The following TMPRSS6 variants were observed in gnomAD, a reference collection of about 807,000 sequenced individuals.
The protein encoded by TMPRSS6 is transmembrane serine protease 6, also known as transmembrane protease serine 6.
Under a neutral mutation model 101.5 loss-of-function variants are expected in TMPRSS6, and 67 were observed. The ratio of observed to expected loss-of-function variants is 0.66; its 90% CI spans 0.54 to 0.81. The LOEUF is 0.81. Among genes scored for constraint, TMPRSS6 ranks in the 30% least tolerant of loss-of-function variants. The pLI is 0.00. For missense variants in TMPRSS6, 1,034 were observed against 1,088.7 expected (o/e 0.95, Z 0.71); for synonymous variants, 453 against 464.9 (o/e 0.97, Z 0.33).
chr22:37,107,403 AC>A (rs1930780435), intron 1 of TMPRSS6, among the ~76,000 whole-genome samples: 1 of 151,872 alleles, frequency 6.6e-6, no homozygotes, highest in African/African-American at 2.4e-5. Flanking sequence ...TTATAATACA[AC>A]GGCTCCCCCA....
intron 7 of TMPRSS6, among the ~76,000 whole-genome samples, chr22:37,087,628 C>T (rs1008556348): frequency 2.6e-5 from 4 of 151,010 alleles, no homozygotes; most frequent in Non-Finnish European, 5.9e-5. Flanking sequence ...CCTACCATTC[C>T]AGCTTGATCT....
intron 2 of TMPRSS6, among the ~76,000 whole-genome samples, chr22:37,102,891 G>A (rs1051515861): frequency 2.6e-5 from 4 of 152,120 alleles, no homozygotes; most frequent in Admixed American, 2.6e-4. Context: ...GGCAAGGGAA[G>A]GCGATGTTTA....
At chr22:37,081,122 C>T (rs1214471499) in intron 10 of TMPRSS6, among the ~76,000 whole-genome samples, 3 of 152,200 alleles carry the variant, frequency 2.0e-5, no homozygotes, top group African/African-American at 7.2e-5. Flanking sequence ...CCTGCTTCCT[C>T]GCTGGGTTGT....
At chr22:37,085,233 C>T (rs939278796) in intron 8 of TMPRSS6, among the ~76,000 whole-genome samples, 3 of 152,170 alleles carry the variant, frequency 2.0e-5, no homozygotes, top group Admixed American at 6.5e-5. Flanking sequence ...AAAGGAGTGG[C>T]TTGGTTGAGG....
intron 12 of TMPRSS6, among the ~76,000 whole-genome samples, chr22:37,073,905 C>T (rs1029053559): frequency 2.6e-5 from 4 of 152,186 alleles, no homozygotes; most frequent in South Asian, 2.1e-4. Flanking sequence ...CCTGCTACCA[C>T]GCCCAGCTAA....
Position 37,089,706 on chromosome 22 carries a change from G to A in TMPRSS6, c.708C>T (p.Cys236=), listed in dbSNP as rs776137466. ...LKGPDHLASS[C]LWHLQGPKDL... is the part of the protein sequence containing the mutation. ...CCTTGGGGCCCTGCAGGTGCCACAG[G>A]CAGCTGGAGGCCAGGTGGTCAGGCC... The change falls in exon 7 of 18, where the codon TGC becomes TGT. Residue 236 remains cysteine (C), a synonymous_variant. Transcript: ENST00000676104. The A allele has an allele frequency of 3.1e-6, 5 of 1,611,900 alleles. No individual in the cohort carries two copies. Among genetic ancestry groups the A allele is most frequent in the South Asian group, 2.2e-5 (2 of 90,638 alleles).
chr22:37,089,762 CGT>C lies in TMPRSS6; in HGVS notation c.650_651del (p.Tyr217CysfsTer13). 1 of 1,612,390 alleles carries C rather than the reference CGT, an allele frequency of 6.2e-7. No individual in the cohort carries two copies. The highest frequency in any genetic ancestry group is 8.5e-7 in the Non-Finnish European group (1 of 1,179,706). ...NSTLGCYRYSYVGQGQVLRLK... is the reference protein window; with the variant it reads ...NSTLGCYRYSXVGQGQVLRLK... ...AGCCGGAGGACCTGGCCCTGGCCCA[CGT>C]AGCTGTAGCGGTAACAACCTGGAGC... On this transcript the variant is annotated frameshift_variant, in exon 7 of 18. Coordinates refer to ENST00000676104, the MANE Select transcript of TMPRSS6 (RefSeq NM_001374504.1). LOFTEE classifies it high-confidence loss of function.
chr22:37,086,863 C>G (rs1880400705), intron 7 of TMPRSS6, among the ~76,000 whole-genome samples: 1 of 152,184 alleles, frequency 6.6e-6, no homozygotes, highest in African/African-American at 2.4e-5. Flanking sequence ...AGGGAGAAGG[C>G]AGGTGTGGTC....
At chr22:37,092,628 C>T (rs1929370495) in intron 6 of TMPRSS6, among the ~76,000 whole-genome samples, 1 of 152,244 alleles carries the variant, frequency 6.6e-6, no homozygotes, top group Non-Finnish European at 1.5e-5. Flanking sequence ...TCCCAAGTAG[C>T]TGGGATTACA....
Position 37,096,022 on chromosome 22 carries a change from C to T in TMPRSS6, c.473G>A (p.Ser158Asn). The change falls in exon 5 of 18, where the codon AGC becomes AAC. Residue 158 changes from serine (S) to asparagine (N), a missense_variant. Ser to Asn is a conservative substitution (Grantham distance 46). Coordinates refer to ENST00000676104, the MANE Select transcript of TMPRSS6 (RefSeq NM_001374504.1). ...CAGCAGTGCCTGCACCACCTCGGGG[C>T]TCAGCATCAGCCGGCGGTGCTCGGG... ...QIPEHRRLML[S>N]PEVVQALLVE... 1 of 1,614,232 alleles carries T rather than the reference C, an allele frequency of 6.2e-7. No homozygotes were observed. The highest frequency in any genetic ancestry group is 1.3e-5 in the African/African-American group (1 of 75,060).
chr22:37,078,942 G>A (rs1264470509), intron 10 of TMPRSS6, among the ~76,000 whole-genome samples: 1 of 32,726 alleles, frequency 3.1e-5, no homozygotes, highest in South Asian at 9.3e-4. Flanking sequence ...AGAAGGAGAA[G>A]GAGAAGGAGA....
rs780396483 is a variant in TMPRSS6, at chr22:37,066,258, AAG to A, written c.2251-22_2251-21del. On this transcript the variant is annotated intron_variant, in intron 17 of 17. Transcript: ENST00000676104. Reference sequence around the variant, plus strand: ...GTCACCCTGAAAGGGGGAAAGGAGAAAGGACTGAAGCAGGGTAAGGGCACCCC... The same window carrying A: ...GTCACCCTGAAAGGGGGAAAGGAGAAGACTGAAGCAGGGTAAGGGCACCCC... 1.3e-5 allele frequency: 21 copies of A among 1,599,662 alleles called. No homozygotes were observed. The highest frequency in any genetic ancestry group is 1.8e-5 in the Non-Finnish European group (21 of 1,172,342).
Position 37,103,646 on chromosome 22 carries a change from G to C in TMPRSS6, c.-1-228C>G. The C allele has an allele frequency of 6.5e-7, 1 of 1,546,890 alleles. No homozygotes were observed. The highest frequency in any genetic ancestry group is 1.7e-5 in the Admixed American group (1 of 59,804). ...CAGGCACCAGAGCTGGACTGGGTCT[G>C]GCTCAAGAACCCCACCTTTGCTTCC... is the stretch of plus-strand genomic sequence containing the variant. On this transcript the variant is annotated intron_variant, in intron 1 of 17. Coordinates refer to ENST00000676104, the MANE Select transcript of TMPRSS6 (RefSeq NM_001374504.1). The surrounding 1 kb of genome is among the most constrained non-coding windows in gnomAD (Gnocchi z 4.4).
At chr22:37,079,841 G>C (rs768073755) in intron 10 of TMPRSS6, among the ~76,000 whole-genome samples, 1 of 152,256 alleles carries the variant, frequency 6.6e-6, no homozygotes, top group Non-Finnish European at 1.5e-5. Flanking sequence ...GGCCAGCCCA[G>C]CTCAGGTCAG....
intron 12 of TMPRSS6, 76 bp from the exon 13 acceptor site, chr22:37,073,721 A>C: frequency 1.1e-6 from 1 of 898,028 alleles, no homozygotes; most frequent in Non-Finnish European, 1.9e-6. Flanking sequence ...TGCCTGTAGA[A>C]GGTGTGCTGT....
In TMPRSS6 at chr22:37,103,299, C is replaced by T. The variant is rs1569028200; in HGVS notation, c.119G>A (p.Gly40Asp). Residue 40 changes from glycine to aspartate, a missense_variant, in exon 2 of 18, where the codon GGC (glycine) becomes GAC (aspartate). By Grantham distance (94) the Gly-to-Asp change is moderately conservative (BLOSUM62 -1). Transcript: ENST00000676104. This position sits in a 1 kb window ranked among gnomAD's most constrained non-coding sequence, Gnocchi z 4.4. ...ACEDSKRKAR[G>D]YLRLVPLFVL... is the part of the protein sequence containing the mutation. ...AAACAGGGGCACCAGGCGGAGGTAG[C>T]CCCGGGCTTTTCTCTTGGAGTCCTC... 6.2e-7 allele frequency: 1 copy of T among 1,614,188 alleles called. No individual in the cohort carries two copies. The highest frequency in any genetic ancestry group is 1.1e-5 in the South Asian group (1 of 91,088).
rs776790154 is a variant in TMPRSS6, at chr22:37,073,629, G to T, written c.1458C>A (p.Phe486Leu). 6.2e-7 allele frequency: 1 copy of T among 1,613,696 alleles called. No individual in the cohort carries two copies. Among genetic ancestry groups the T allele is most frequent in the Non-Finnish European group, 8.5e-7 (1 of 1,179,590 alleles). ...TGCATGTGCTGTCCTCTTTGCACTG[G>T]AATGTGGCTCTGCAAACTGTGTGGG... ...DERNCVCRAT[F>L]QCKEDSTCIS... Residue 486 changes from phenylalanine to leucine, a missense_variant, in exon 13 of 18, where the codon TTC (phenylalanine) becomes TTA (leucine). By Grantham distance (22) the Phe-to-Leu change is conservative. Coordinates refer to ENST00000676104, the MANE Select transcript of TMPRSS6 (RefSeq NM_001374504.1).
chr22:37,103,425 G>C lies in TMPRSS6; in HGVS notation c.-1-7C>G, dbSNP rs749407143. Reference sequence around the variant, plus strand: ...GGCCTCGGCCACGGGCATCCTGCCAGGGAAACAGACCAAAGTTGGAAACAG... The same window carrying C: ...GGCCTCGGCCACGGGCATCCTGCCACGGAAACAGACCAAAGTTGGAAACAG... On this transcript the variant is annotated splice_region_variant and splice_polypyrimidine_tract_variant and intron_variant, in intron 1 of 17. Transcript: ENST00000676104. This position sits in a 1 kb window ranked among gnomAD's most constrained non-coding sequence, Gnocchi z 4.4. The C allele has an allele frequency of 6.2e-7, 1 of 1,614,232 alleles. No homozygotes were observed. The highest frequency in any genetic ancestry group is 8.5e-7 in the Non-Finnish European group (1 of 1,180,042).
rs1187930346 is a variant in TMPRSS6, at chr22:37,101,295, CA to C, written c.202+1920del. ...TTTGTTTTCTCACTGAAGCAGGAGACAGGGGCAGGCGGGTGCTGGGGGCTTG... is the reference window on the plus strand; with the variant it reads ...TTTGTTTTCTCACTGAAGCAGGAGACGGGGCAGGCGGGTGCTGGGGGCTTG... On this transcript the variant is annotated intron_variant, in intron 2 of 17. Transcript: ENST00000676104. This position sits in a 1 kb window ranked among gnomAD's most constrained non-coding sequence, Gnocchi z 4.1. Among the ~76,000 whole-genome samples, 1 of 152,032 alleles carries C rather than the reference CA, an allele frequency of 6.6e-6. No individual in the cohort carries two copies. The highest frequency in any genetic ancestry group is 2.4e-5 in the African/African-American group (1 of 41,358).
Sources: allele counts gnomAD v4.1 joint callset (sites outside exome capture counted in the v4.1 genomes callset), GRCh38; gene constraint gnomAD v4.1.1; non-coding constraint Gnocchi (gnomAD v3.1); transcripts MANE v1.5; gene names NCBI Gene and HGNC (gene_info 2026-07-23, HGNC 2026-07-21).